The following HCN1 variants were observed in gnomAD, a reference collection of about 807,000 sequenced individuals.
HCN1 encodes hyperpolarization activated cyclic nucleotide gated potassium channel 1.
Under a neutral mutation model 78.9 loss-of-function variants are expected in HCN1, and 13 were observed. The ratio of observed to expected loss-of-function variants is 0.16; its 90% CI spans 0.11 to 0.26. HCN1 has a LOEUF of 0.26. Ranked by LOEUF, HCN1 falls within the 10% of genes least tolerant of loss-of-function variation. The pLI is 1.00. For missense variants in HCN1, 810 were observed against 1,154.3 expected (o/e 0.70, Z 4.32); for synonymous variants, 552 against 455.5 (o/e 1.21, Z -2.70).
intron 4 of HCN1, among the ~76,000 whole-genome samples, chr5:45,372,119 A>T (rs1381040142): frequency 8.9e-5 from 5 of 56,274 alleles, no homozygotes; most frequent in Non-Finnish European, 1.3e-4. Context: ...ATATAATTAT[A>T]TATTATATAT....
At chr5:45,639,217 T>C (rs907461470) in intron 2 of HCN1, among the ~76,000 whole-genome samples, 16 of 152,144 alleles carry the variant, frequency 1.1e-4, no homozygotes, top group Admixed American at 3.9e-4. Flanking sequence ...TTTTAAAAGA[T>C]AGAACCTTAA....
chr5:45,431,902 G>T (rs112042458), intron 3 of HCN1, among the ~76,000 whole-genome samples: 2 of 152,022 alleles, frequency 1.3e-5, no homozygotes, highest in Non-Finnish European at 2.9e-5. Context: ...GCTTAGGATT[G>T]CCTTGGCTAT....
intron 3 of HCN1, among the ~76,000 whole-genome samples, chr5:45,461,307 C>A (rs192071067): frequency 6.6e-6 from 1 of 151,950 alleles, no homozygotes; most frequent in African/African-American, 2.4e-5. Flanking sequence ...ATTTACATAA[C>A]TTTCAGAGGT....
intron 3 of HCN1, among the ~76,000 whole-genome samples, chr5:45,402,781 C>CTTCCT (rs906665213): frequency 2.0e-5 from 3 of 150,282 alleles, no homozygotes; most frequent in Admixed American, 1.3e-4. Context: ...TTCCTTCTTT[C>CTTCCT]TTCCTTTCCT....
intron 2 of HCN1, among the ~76,000 whole-genome samples, chr5:45,586,232 C>A (rs1744218392): frequency 6.6e-6 from 1 of 152,134 alleles, no homozygotes; most frequent in African/African-American, 2.4e-5. Flanking sequence ...TGGCGGGCAC[C>A]CATCCCCCAA....
chr5:45,269,338 A>C (rs1359442072), intron 6 of HCN1, among the ~76,000 whole-genome samples: 1 of 152,178 alleles, frequency 6.6e-6, no homozygotes, highest in Non-Finnish European at 1.5e-5. Flanking sequence ...AAAGAAAATT[A>C]GTTTTGTTTT....
chr5:45,372,765 A>T (rs1183717022), intron 4 of HCN1, among the ~76,000 whole-genome samples: 1 of 143,970 alleles, frequency 6.9e-6, no homozygotes, highest in East Asian at 2.1e-4. Flanking sequence ...TATACACAAA[A>T]ATATATACGT....
intron 5 of HCN1, among the ~76,000 whole-genome samples, chr5:45,317,991 G>A (rs1170697001): frequency 2.6e-5 from 4 of 152,094 alleles, no homozygotes; most frequent in Middle Eastern, 3.2e-3. Flanking sequence ...TTCAACCATT[G>A]TGGAAGACAG....
chr5:45,493,500 C>A (rs1018788857), intron 2 of HCN1, among the ~76,000 whole-genome samples: 2 of 151,826 alleles, frequency 1.3e-5, no homozygotes, highest in South Asian at 2.1e-4. Flanking sequence ...TAAGGAATTG[C>A]AATTTTAAGT....
At chr5:45,645,094 C>T in intron 2 of HCN1, 91 bp downstream of exon 2, 1 of 936,124 alleles carries the variant, frequency 1.1e-6, no homozygotes. Flanking sequence ...TTTCATAAAA[C>T]TCATTACACA....
intron 2 of HCN1, among the ~76,000 whole-genome samples, chr5:45,499,889 TGATA>T (rs1271328313): frequency 6.6e-6 from 1 of 152,198 alleles, no homozygotes; most frequent in Non-Finnish European, 1.5e-5. Context: ...CCTACTCTGT[TGATA>T]ATTTTTACTC....
chr5:45,337,607 G>C lies in HCN1; in HGVS notation c.1377+15493C>G, dbSNP rs550145811. ...CAAAATATGTACTATCTGAGGGTTG[G>C]AGTCATAGAGGAAGTTAAGAAAGAT... On this transcript the variant is annotated intron_variant, in intron 5 of 7. Coordinates refer to ENST00000303230, the MANE Select transcript of HCN1 (RefSeq NM_021072.4). 3.8e-4 allele frequency among the ~76,000 whole-genome samples: 58 copies of C among 152,208 alleles called. 1 individual carries two copies. The highest frequency in any genetic ancestry group is 3.4e-3 in the Middle Eastern group (1 of 294).
Position 45,261,758 on chromosome 5 carries a change from G to C in HCN1, c.*163C>G. 2 of 753,510 alleles carry C rather than the reference G, an allele frequency of 2.7e-6. No individual in the cohort carries two copies. Among genetic ancestry groups the C allele is most frequent in the South Asian group, 3.2e-5 (2 of 61,704 alleles). 46.7% of individuals were successfully genotyped at this position (753,510 alleles called of 1,614,324 possible). A position where few individuals can be genotyped will look rare whatever the true frequency, so the allele number is the denominator to read the frequency against. ...TGGGAATTTAGATATATATTTTATAGTATATGTATATATATTTTTACATTT... is the reference window on the plus strand; with the variant it reads ...TGGGAATTTAGATATATATTTTATACTATATGTATATATATTTTTACATTT... On this transcript the variant is annotated 3_prime_UTR_variant, in exon 8 of 8. Coordinates refer to ENST00000303230, the MANE Select transcript of HCN1 (RefSeq NM_021072.4).
chr5:45,694,850 T>C (rs2112107414), intron 1 of HCN1, among the ~76,000 whole-genome samples: 2 of 152,356 alleles, frequency 1.3e-5, no homozygotes, highest in Middle Eastern at 6.8e-3. Context: ...AGCGGAGTTT[T>C]CCTGCTGACA....
chr5:45,597,244 G>A lies in HCN1; in HGVS notation c.849+47941C>T, dbSNP rs1262588745. 2.0e-5 allele frequency among the ~76,000 whole-genome samples: 3 copies of A among 152,090 alleles called. 1 individual carries two copies. Among genetic ancestry groups the A allele is most frequent in the African/African-American group, 7.2e-5 (3 of 41,410 alleles). ...CACGATCAAGTCAACTTCATCCCTG[G>A]GATGCAAAGCTGGTTCAACTTACGC... On this transcript the variant is annotated intron_variant, in intron 2 of 7. Transcript: ENST00000303230.
intron 2 of HCN1, among the ~76,000 whole-genome samples, chr5:45,556,773 T>C (rs1376711681): frequency 1.3e-5 from 2 of 151,988 alleles, no homozygotes; most frequent in East Asian, 1.9e-4. Flanking sequence ...TTCCCCTCTA[T>C]GTTTCTTCTC....
chr5:45,479,497 T>G (rs1741597592), intron 2 of HCN1, among the ~76,000 whole-genome samples: 1 of 152,164 alleles, frequency 6.6e-6, no homozygotes, highest in Non-Finnish European at 1.5e-5. Flanking sequence ...GTTGGAATAG[T>G]TCAAGCTTCA....
At chr5:45,314,925 A>T (rs1745946257) in intron 5 of HCN1, among the ~76,000 whole-genome samples, 1 of 152,160 alleles carries the variant, frequency 6.6e-6, no homozygotes, top group Non-Finnish European at 1.5e-5. Context: ...AAGTCCTTAG[A>T]GACCTACAAA....
chr5:45,372,667 T>C (rs1561128698), intron 4 of HCN1, among the ~76,000 whole-genome samples: 1 of 68,428 alleles, frequency 1.5e-5, no homozygotes, highest in Non-Finnish European at 2.3e-5. Context: ...CATTTATATA[T>C]AAAAATATAA....
Sources: allele counts gnomAD v4.1 joint callset (sites outside exome capture counted in the v4.1 genomes callset), GRCh38; gene constraint gnomAD v4.1.1; transcripts MANE v1.5; gene names NCBI Gene and HGNC (gene_info 2026-07-23, HGNC 2026-07-21).